Variants in SNRPC observed in about 807,000 individuals in gnomAD.
The protein encoded by SNRPC is small nuclear ribonucleoprotein polypeptide C.
A neutral mutation model predicts 20.0 loss-of-function variants in SNRPC; 5 were observed. That is an observed-to-expected ratio of 0.25 (90% CI 0.13 to 0.53). The LOEUF (loss-of-function observed/expected upper bound fraction) is 0.53. Among genes scored for constraint, SNRPC ranks in the 20% least tolerant of loss-of-function variants. SNRPC has a pLI of 0.96. For synonymous variants in SNRPC, 61 were observed against 58.7 expected (o/e 1.04, Z -0.18); for missense variants, 112 against 224.1 (o/e 0.50, Z 3.19).
intron 1 of SNRPC, 115 bp from the exon 2 acceptor site, chr6:34,757,786 AGTCGTGAGGCG>A: frequency 6.3e-7 from 1 of 1,592,672 alleles, no homozygotes; most frequent in East Asian, 2.2e-5. Flanking sequence ...GATGCTTTTG[AGTCGTGAGGCG>A]GTCTGGCTTT....
Position 34,773,388 on chromosome 6 carries a change from T to C in SNRPC, c.356-58T>C, listed in dbSNP as rs543348801. The C allele has an allele frequency of 1.9e-6, 3 of 1,547,328 alleles. No homozygotes were observed. The highest frequency in any genetic ancestry group is 1.4e-5 in the African/African-American group (1 of 73,582). ...TTTTAATTGAAGTCCCATCAAACTC[T>C]CCCTAAATCGTATTTTCTGACTCCC... On this transcript the variant is annotated intron_variant, in intron 5 of 5. Coordinates refer to ENST00000244520, the MANE Select transcript of SNRPC (RefSeq NM_003093.3). This position sits in a 1 kb window ranked among gnomAD's most constrained non-coding sequence, Gnocchi z 4.1.
intron 2 of SNRPC, among the ~76,000 whole-genome samples, chr6:34,762,047 A>G (rs557257495): frequency 5.8e-4 from 89 of 152,208 alleles, no homozygotes; most frequent in Admixed American, 1.2e-3. Flanking sequence ...CACACCTGTA[A>G]TCTCACAGCA....
intron 2 of SNRPC, among the ~76,000 whole-genome samples, chr6:34,760,329 G>A (rs79287426): frequency 1.4e-4 from 22 of 151,748 alleles, no homozygotes; most frequent in African/African-American, 5.3e-4. Context: ...AAACGGTCCC[G>A]CCTCAGCCTC....
At chr6:34,759,923 G>A (rs1313529208) in intron 2 of SNRPC, among the ~76,000 whole-genome samples, 1 of 151,886 alleles carries the variant, frequency 6.6e-6, no homozygotes, top group Non-Finnish European at 1.5e-5. Context: ...TTCCCAGGCT[G>A]GTCTAAATTA....
intron 4 of SNRPC, among the ~76,000 whole-genome samples, chr6:34,769,715 T>G (rs991626138): frequency 6.6e-6 from 1 of 152,140 alleles, no homozygotes; most frequent in Admixed American, 6.6e-5. Flanking sequence ...CCTTGTTTTG[T>G]TTTTTTAAAT....
At position 34,758,008 on chromosome 6, in the gene SNRPC, T is replaced by A. The variant is rs183675137; in HGVS notation, c.51+54T>A. On this transcript the variant is annotated intron_variant, in intron 2 of 5. Transcript: ENST00000244520. ...AAAAGCCTTATGTGTAATAATTAAA[T>A]GAGTTTTGTGTTTTTTTTAAGTTGC... is the stretch of plus-strand genomic sequence containing the variant. 2,006 of 1,564,010 alleles carry A rather than the reference T, an allele frequency of 1.3e-3. 12 individuals carry two copies. The Middle Eastern group carries it at 0.015, about 12-fold the overall frequency.
intron 5 of SNRPC, among the ~76,000 whole-genome samples, chr6:34,771,954 T>C (rs1235009018): frequency 6.6e-6 from 1 of 152,234 alleles, no homozygotes; most frequent in Non-Finnish European, 1.5e-5. Flanking sequence ...AGAAGTCTTC[T>C]AGAACTCAGC....
At chr6:34,761,430 G>T (rs552888412) in intron 2 of SNRPC, among the ~76,000 whole-genome samples, 1 of 151,806 alleles carries the variant, frequency 6.6e-6, no homozygotes, top group Non-Finnish European at 1.5e-5. Flanking sequence ...GAGCCACCGC[G>T]ACTGGCTGCT....
intron 2 of SNRPC, among the ~76,000 whole-genome samples, chr6:34,760,802 A>C (rs1182401942): frequency 6.6e-6 from 1 of 152,092 alleles, no homozygotes; most frequent in African/African-American, 2.4e-5. Flanking sequence ...TAATCCCAGC[A>C]CTAGGAGGCC....
At chr6:34,757,684 G>A in intron 1 of SNRPC, 133 bp downstream of exon 1, 2 of 1,364,844 alleles carry the variant, frequency 1.5e-6, no homozygotes, top group Non-Finnish European at 2.1e-6. Context: ...ACGGAGGCAG[G>A]GAGATGGAGA....
chr6:34,765,416 T>C (rs922411284), intron 3 of SNRPC, among the ~76,000 whole-genome samples: 8 of 150,592 alleles, frequency 5.3e-5, no homozygotes, highest in African/African-American at 1.9e-4. Context: ...ATTTATCTTA[T>C]ATATTTATTT....
chr6:34,767,565 G>A (rs927093626), intron 3 of SNRPC, among the ~76,000 whole-genome samples: 5 of 152,288 alleles, frequency 3.3e-5, no homozygotes, highest in Admixed American at 1.3e-4. Flanking sequence ...TGTGAGCTGC[G>A]GTTGTGTCCC....
chr6:34,767,723 T>G (rs1581592295), intron 3 of SNRPC, among the ~76,000 whole-genome samples, 185 bp from the exon 4 acceptor site: 1 of 152,306 alleles, frequency 6.6e-6, no homozygotes, highest in East Asian at 1.9e-4. Context: ...AACTGCACTT[T>G]TAGCCGGTGA....
At chr6:34,767,206 A>G (rs1581592081) in intron 3 of SNRPC, among the ~76,000 whole-genome samples, 1 of 152,248 alleles carries the variant, frequency 6.6e-6, no homozygotes, top group East Asian at 1.9e-4. Context: ...GGAAGGATAG[A>G]AATTTTATAA....
At chr6:34,765,322 C>T (rs1034763271) in intron 3 of SNRPC, among the ~76,000 whole-genome samples, 1 of 152,232 alleles carries the variant, frequency 6.6e-6, no homozygotes, top group Non-Finnish European at 1.5e-5. Flanking sequence ...CTGGCCGAGA[C>T]AGCCACTGAA....
chr6:34,757,799 T>A, intron 1 of SNRPC, 113 bp from the exon 2 acceptor site: 1 of 1,601,170 alleles, frequency 6.2e-7, no homozygotes, highest in East Asian at 2.2e-5. Flanking sequence ...CGTGAGGCGG[T>A]CTGGCTTTTT....
intron 4 of SNRPC, among the ~76,000 whole-genome samples, chr6:34,768,262 T>A (rs1441763139): frequency 1.3e-5 from 2 of 152,166 alleles, no homozygotes; most frequent in Non-Finnish European, 2.9e-5. Context: ...AGTGTGGATC[T>A]AAGACAGATT....
At chr6:34,768,071 G>C (rs1209307241) in intron 4 of SNRPC, 74 bp downstream of exon 4, 3 of 1,369,840 alleles carry the variant, frequency 2.2e-6, no homozygotes, top group Non-Finnish European at 3.0e-6. Context: ...TTATCTCACC[G>C]TTGGCTTTCA....
rs370617762 is a variant in SNRPC, at chr6:34,766,371, T to G, written c.161-1537T>G. 3.3e-5 allele frequency among the ~76,000 whole-genome samples: 5 copies of G among 152,060 alleles called. No homozygotes were observed. The East Asian group carries it at 5.8e-4, about 18-fold the overall frequency. Reference sequence around the variant, plus strand: ...GCACACCACCATGCTCAGCTAATCTTTATTTTTTGTAGAGACGGGATCTCA... The same window carrying G: ...GCACACCACCATGCTCAGCTAATCTGTATTTTTTGTAGAGACGGGATCTCA... On this transcript the variant is annotated intron_variant, in intron 3 of 5. Coordinates refer to ENST00000244520, the MANE Select transcript of SNRPC (RefSeq NM_003093.3).
Sources: gnomAD v4.1 joint callset for allele counts (sites outside exome capture counted in the v4.1 genomes callset) on GRCh38, gnomAD v4.1.1 for gene constraint, Gnocchi (gnomAD v3.1) non-coding constraint, MANE v1.5 for transcripts, NCBI Gene and HGNC (gene_info 2026-07-23, HGNC 2026-07-21) for gene names.